The following TTC27 variants were observed in gnomAD, a reference collection of about 807,000 sequenced individuals.
TTC27 encodes tetratricopeptide repeat protein 27.
Under a neutral mutation model 115.9 loss-of-function variants are expected in TTC27, and 79 were observed. That is an observed-to-expected ratio of 0.68 (90% CI 0.57 to 0.82). The LOEUF (loss-of-function observed/expected upper bound fraction) is 0.82, where lower values mean the gene tolerates loss of function less well. TTC27 is among the 40% of genes least tolerant of loss of function. The pLI, the probability that TTC27 is intolerant of heterozygous loss-of-function variation, is 0.00. For synonymous variants in TTC27, 401 were observed against 356.0 expected, an observed-to-expected ratio of 1.13 and a Z score of -1.42; for missense variants, 1,054 against 993.1, an observed-to-expected ratio of 1.06 and a Z score of -0.82.
intron 16 of TTC27, among the ~76,000 whole-genome samples, chr2:32,808,012 C>CA (rs11369521): frequency 0.42 from 62,238 of 147,586 alleles, 13,523 homozygotes; most frequent in South Asian, 0.59. Flanking sequence ...CAGCTCACTG[C>CA]AACCTCCCCT....
At chr2:32,659,840 T>C (rs945302730) in intron 5 of TTC27, among the ~76,000 whole-genome samples, 1 of 152,190 alleles carries the variant, frequency 6.6e-6, no homozygotes, top group Non-Finnish European at 1.5e-5. Context: ...GCAAAGGACA[T>C]GAACTCATCC....
At chr2:32,631,282 G>A (rs1664195844) in intron 2 of TTC27, among the ~76,000 whole-genome samples, 2 of 151,952 alleles carry the variant, frequency 1.3e-5, no homozygotes, top group South Asian at 2.1e-4. Flanking sequence ...TAGCCTGGGC[G>A]ACAGAGCGAG....
intron 17 of TTC27, among the ~76,000 whole-genome samples, chr2:32,812,056 A>G (rs1671334628): frequency 6.6e-6 from 1 of 152,172 alleles, no homozygotes. Context: ...TATGGAATTA[A>G]GAGTACCCAG....
intron 13 of TTC27, among the ~76,000 whole-genome samples, chr2:32,759,959 A>G (rs987143149): frequency 6.6e-5 from 10 of 152,306 alleles, no homozygotes; most frequent in African/African-American, 1.9e-4. Flanking sequence ...ATTCCATTTT[A>G]TGTACATACT....
rs566802189 is a variant in TTC27 at position 32,716,154 on chromosome 2, T to C, written c.1233+13234T>C. ...CTTTGACATAAGTGGGATCATCCAG[T>C]CTTCATTGCTTTAAACCTTTTTCCC... On this transcript the variant is annotated intron_variant, in intron 10 of 19. Coordinates refer to ENST00000317907, the MANE Select transcript of TTC27 (RefSeq NM_017735.5). Among the ~76,000 whole-genome samples the C allele has an allele frequency of 4.6e-5, 7 of 152,208 alleles. No individual in the cohort carries two copies. In the South Asian group the frequency reaches 1.2e-3, roughly 27 times the overall value.
At position 32,666,723 on chromosome 2, in the gene TTC27, T is replaced by C. The variant is rs755874856; in HGVS notation, c.894T>C (p.Asn298=). The change falls in exon 7 of 20, where the codon AAT becomes AAC. Residue 298 remains asparagine, a synonymous_variant. Transcript: ENST00000317907. Reference sequence around the variant, plus strand: ...GAAGGGAAGGGGATGTCCTTTCAAATTGTGAATTCACTCCAGCACCCACTC... The same window carrying C: ...GAAGGGAAGGGGATGTCCTTTCAAACTGTGAATTCACTCCAGCACCCACTC... The part of the protein sequence containing the change: ...DVRREGDVLS[N]CEFTPAPTPQ... The C allele has an allele frequency of 1.2e-6, 2 of 1,614,046 alleles. No individual in the cohort carries two copies. The highest frequency in any genetic ancestry group is 1.7e-6 in the Non-Finnish European group (2 of 1,179,966).
At chr2:32,783,209 A>C (rs1008096835) in intron 15 of TTC27, among the ~76,000 whole-genome samples, 1 of 152,198 alleles carries the variant, frequency 6.6e-6, no homozygotes, top group African/African-American at 2.4e-5. Flanking sequence ...CTTGTAGCAC[A>C]CTTATTATGT....
At chr2:32,780,901 A>G (rs1670154593) in intron 14 of TTC27, among the ~76,000 whole-genome samples, 1 of 151,202 alleles carries the variant, frequency 6.6e-6, no homozygotes, top group Non-Finnish European at 1.5e-5. Context: ...AAAGATCTAA[A>G]TTTAATGTTT....
intron 12 of TTC27, among the ~76,000 whole-genome samples, chr2:32,752,105 C>T (rs1669038836): frequency 1.3e-5 from 2 of 152,156 alleles, no homozygotes; most frequent in Admixed American, 6.5e-5. Context: ...AGGTTCAGTG[C>T]TATCAGCAAG....
chr2:32,780,224 T>C (rs1670129805), intron 14 of TTC27: 1 of 335,490 alleles, frequency 3.0e-6, no homozygotes, highest in South Asian at 2.4e-5. Context: ...AGACCTTATA[T>C]TGAATCTGCA....
chr2:32,656,558 T>G (rs1459831610), intron 5 of TTC27, among the ~76,000 whole-genome samples: 1 of 152,136 alleles, frequency 6.6e-6, no homozygotes, highest in Non-Finnish European at 1.5e-5. Context: ...GGGAAGGAGC[T>G]AGATCACGAG....
chr2:32,679,118 T>A (rs1435057028), intron 9 of TTC27, among the ~76,000 whole-genome samples, 196 bp downstream of exon 9: 1 of 152,188 alleles, frequency 6.6e-6, no homozygotes, highest in African/African-American at 2.4e-5. Context: ...TTAAATTGAG[T>A]GCTATGCCTA....
At chr2:32,789,407 A>G (rs1335026080) in intron 16 of TTC27, among the ~76,000 whole-genome samples, 2 of 152,172 alleles carry the variant, frequency 1.3e-5, no homozygotes, top group Non-Finnish European at 2.9e-5. Context: ...TGTTTAGATG[A>G]TACTTCTGTA....
chr2:32,679,269 G>A (rs1294941025), intron 9 of TTC27, among the ~76,000 whole-genome samples: 1 of 152,222 alleles, frequency 6.6e-6, no homozygotes, highest in Non-Finnish European at 1.5e-5. Context: ...GAGACCACTG[G>A]ATTGGACAAT....
At chr2:32,793,093 A>G (rs1670590864) in intron 16 of TTC27, among the ~76,000 whole-genome samples, 1 of 152,194 alleles carries the variant, frequency 6.6e-6, no homozygotes, top group Admixed American at 6.5e-5. Flanking sequence ...ATATGAACTC[A>G]GTGGGATAGT....
At chr2:32,736,590 C>A in intron 11 of TTC27, 104 bp from the exon 12 acceptor site, 2 of 1,222,394 alleles carry the variant, frequency 1.6e-6, no homozygotes, top group South Asian at 1.4e-5. Flanking sequence ...ACATTTATTA[C>A]AATAAGCAGA....
At chr2:32,727,017 C>G (rs1001819233) in intron 10 of TTC27, among the ~76,000 whole-genome samples, 6 of 152,064 alleles carry the variant, frequency 3.9e-5, no homozygotes, top group East Asian at 1.9e-4. Context: ...AACTTGCCCC[C>G]GTGATTCAAT....
chr2:32,729,190 C>T (rs553935997), intron 10 of TTC27, among the ~76,000 whole-genome samples: 1 of 152,304 alleles, frequency 6.6e-6, no homozygotes, highest in African/African-American at 2.4e-5. Context: ...TCCTTTGGGA[C>T]TATCTCTATT....
At chr2:32,670,808 G>T (rs113928054) in intron 7 of TTC27, among the ~76,000 whole-genome samples, 8 of 151,696 alleles carry the variant, frequency 5.3e-5, no homozygotes, top group African/African-American at 1.9e-4. Flanking sequence ...GGTAGAGACG[G>T]GGTTTTTGCC....
Sources: gnomAD v4.1 joint callset for allele counts (sites outside exome capture counted in the v4.1 genomes callset) on GRCh38, gnomAD v4.1.1 for gene constraint, MANE v1.5 for transcripts, NCBI Gene and HGNC (gene_info 2026-07-23, HGNC 2026-07-21) for gene names.